LHCGR: variants seen among roughly 807,000 people sequenced by gnomAD.
LHCGR encodes the protein lutropin-choriogonadotropic hormone receptor.
In LHCGR, 55 loss-of-function variants were observed where a neutral mutation model predicts 60.7. That is an observed-to-expected ratio of 0.91 (90% CI 0.73 to 1.13). The LOEUF is 1.13. Among genes scored for constraint, LHCGR ranks in the 50% most tolerant of loss-of-function variants. The pLI is 0.00. For missense variants in LHCGR, 862 were observed against 836.0 expected (o/e 1.03, Z -0.38); for synonymous variants, 337 against 316.5 (o/e 1.06, Z -0.69).
chr2:48,748,391 G>A (rs1428093923), intron 1 of LHCGR, among the ~76,000 whole-genome samples: 1 of 152,152 alleles, frequency 6.6e-6, no homozygotes, highest in Non-Finnish European at 1.5e-5. Flanking sequence ...GGATGCTTTA[G>A]CTGGGCAGAC....
chr2:48,714,410 A>T (rs546783378), intron 6 of LHCGR, among the ~76,000 whole-genome samples: 12 of 152,008 alleles, frequency 7.9e-5, no homozygotes, highest in Non-Finnish European at 1.8e-4. Context: ...CTGGTTTTGC[A>T]GGCCGGTGTG....
intron 8 of LHCGR, among the ~76,000 whole-genome samples, chr2:48,699,115 C>T (rs1667277249): frequency 6.6e-6 from 1 of 152,108 alleles, no homozygotes; most frequent in South Asian, 2.1e-4. Flanking sequence ...TGAGCCACTG[C>T]GCCCGGCCAT....
chr2:48,716,389 C>T (rs1360745489), intron 6 of LHCGR, among the ~76,000 whole-genome samples: 1 of 152,194 alleles, frequency 6.6e-6, no homozygotes, highest in Non-Finnish European at 1.5e-5. Flanking sequence ...TACTGTAATA[C>T]TCCCAGGTGC....
chr2:48,745,289 G>A (rs987803722), intron 1 of LHCGR, among the ~76,000 whole-genome samples: 2 of 152,180 alleles, frequency 1.3e-5, no homozygotes, highest in Non-Finnish European at 2.9e-5. Context: ...TCAGTGTGGC[G>A]ATTCCTCAGG....
At chr2:48,691,365 C>T (rs1178279590) in intron 10 of LHCGR, among the ~76,000 whole-genome samples, 1 of 152,088 alleles carries the variant, frequency 6.6e-6, no homozygotes, top group Non-Finnish European at 1.5e-5. Flanking sequence ...TAGAGAAGGG[C>T]TGCTGCTATG....
At chr2:48,711,506 A>T (rs551961752) in intron 7 of LHCGR, among the ~76,000 whole-genome samples, 1 of 152,270 alleles carries the variant, frequency 6.6e-6, no homozygotes, top group African/African-American at 2.4e-5. Context: ...CAACAGTGAG[A>T]TACAGGGTAT....
Position 48,714,030 on chromosome 2 carries a change from T to C in LHCGR, c.561A>G (p.Glu187=), listed in dbSNP as rs369601921. ...CATTGAATGCATGACTTTGTACTTC[T>C]TCAAATCCATTTCCATATAGTTTGC... ...VTLKLYGNGF[E]EVQSHAFNGT... is the part of the protein sequence containing the mutation. The change falls in exon 7 of 11, where the codon GAA becomes GAG. Residue 187 remains glutamate, a synonymous_variant. Coordinates refer to ENST00000294954, the MANE Select transcript of LHCGR (RefSeq NM_000233.4). 944 of 1,612,990 alleles carry C rather than the reference T, an allele frequency of 5.9e-4. 2 individuals carry two copies. The highest frequency in any genetic ancestry group is 1.1e-3 in the South Asian group (100 of 91,048).
chr2:48,718,629 C>T (rs935678871), intron 6 of LHCGR, among the ~76,000 whole-genome samples: 2 of 151,842 alleles, frequency 1.3e-5, no homozygotes, highest in Non-Finnish European at 2.9e-5. Context: ...TTTCAAATGA[C>T]TATACAAACA....
rs145373281 is a variant in LHCGR at position 48,730,016 on chromosome 2, A to G, written c.234-789T>C. ...ATTCGCAAGCATGTAAGTCATGCCA[A>G]TGTTACCCTAAAATCCCAACATACG... On this transcript the variant is annotated intron_variant, in intron 2 of 10. Transcript: ENST00000294954. Among the ~76,000 whole-genome samples the G allele has an allele frequency of 3.8e-3, 577 of 152,300 alleles. 7 individuals carry two copies. The highest frequency in any genetic ancestry group is 0.013 in the African/African-American group (549 of 41,570).
At position 48,688,910 on chromosome 2, in the gene LHCGR, A is replaced by C; in HGVS notation, c.948-61T>G. The C allele has an allele frequency of 6.7e-7, 1 of 1,493,466 alleles. No homozygotes were observed. The highest frequency in any genetic ancestry group is 9.3e-7 in the Non-Finnish European group (1 of 1,075,296). The allele number at this position is 1,493,466 out of a possible 1,614,324, so 92.5% of individuals were successfully genotyped here. A position where few individuals can be genotyped will look rare whatever the true frequency, so the allele number is the denominator to read the frequency against. ...TTCTCTGAGTATTAAAAAATTCAAG[A>C]ATTATGTTTCTTTAAAGGCAAAGAA... On this transcript the variant is annotated intron_variant, in intron 10 of 10. Coordinates refer to ENST00000294954, the MANE Select transcript of LHCGR (RefSeq NM_000233.4). The surrounding 1 kb of genome is among the most constrained non-coding windows in gnomAD (Gnocchi z 5.2).
chr2:48,701,971 C>A (rs1433485455), intron 8 of LHCGR, among the ~76,000 whole-genome samples: 3 of 152,192 alleles, frequency 2.0e-5, no homozygotes, highest in Non-Finnish European at 4.4e-5. Flanking sequence ...AGGACCAGGG[C>A]TATTTTACTT....
chr2:48,754,084 G>A (rs968317161), intron 1 of LHCGR, among the ~76,000 whole-genome samples: 1 of 152,112 alleles, frequency 6.6e-6, no homozygotes, highest in African/African-American at 2.4e-5. Flanking sequence ...TGGAAGGCCT[G>A]TTGCATGGAT....
At chr2:48,707,501 C>T (rs1333538523) in intron 8 of LHCGR, among the ~76,000 whole-genome samples, 1 of 152,238 alleles carries the variant, frequency 6.6e-6, no homozygotes, top group African/African-American at 2.4e-5. Context: ...CACAGCTGCC[C>T]CTTCCCCTAG....
chr2:48,742,080 C>T (rs1345771455), intron 1 of LHCGR, among the ~76,000 whole-genome samples: 1 of 151,866 alleles, frequency 6.6e-6, no homozygotes, highest in Non-Finnish European at 1.5e-5. Flanking sequence ...CAACAAAGAT[C>T]AAAAGAGACA....
intron 1 of LHCGR, among the ~76,000 whole-genome samples, chr2:48,741,160 G>A (rs1273200873): frequency 6.6e-6 from 1 of 152,074 alleles, no homozygotes; most frequent in Non-Finnish European, 1.5e-5. Flanking sequence ...AAAAAGAAAC[G>A]AGCAAAGCCT....
rs1302292882 is a variant in LHCGR, at chr2:48,740,263, G to A, written c.162-8965C>T. Among the ~76,000 whole-genome samples the A allele has an allele frequency of 3.3e-5, 5 of 152,352 alleles. No individual in the cohort carries two copies. In the East Asian group the frequency reaches 9.7e-4, roughly 29 times the overall value. On this transcript the variant is annotated intron_variant, in intron 1 of 10. Coordinates refer to ENST00000294954, the MANE Select transcript of LHCGR (RefSeq NM_000233.4). The stretch of plus-strand genomic sequence containing the variant: ...ACTGCAAGGTGGCAGCGAGGCTGGG[G>A]GAGGGGCGCCTGCCATTGCCCAGGC...
At chr2:48,728,982 C>T (rs759804182) in intron 3 of LHCGR, among the ~76,000 whole-genome samples, 171 bp downstream of exon 3, 1 of 152,184 alleles carries the variant, frequency 6.6e-6, no homozygotes, top group South Asian at 2.1e-4. Flanking sequence ...ACCATAGCAA[C>T]CTACAGGCCA....
At chr2:48,699,729 A>G (rs1454859564) in intron 8 of LHCGR, among the ~76,000 whole-genome samples, 1 of 152,240 alleles carries the variant, frequency 6.6e-6, no homozygotes, top group East Asian at 1.9e-4. Context: ...CATCTGTTCA[A>G]AGCAAGCGAA....
Position 48,688,861 on chromosome 2 carries a change from A to C in LHCGR, c.948-12T>G. ...GCATGGAAGAATAACTGTAAGAAGA[A>C]TTATTGGCTTGAGGTAAGGGATTTT... is the stretch of plus-strand genomic sequence containing the variant. On this transcript the variant is annotated splice_polypyrimidine_tract_variant and intron_variant, in intron 10 of 10. Coordinates refer to ENST00000294954, the MANE Select transcript of LHCGR (RefSeq NM_000233.4). This position sits in a 1 kb window ranked among gnomAD's most constrained non-coding sequence, Gnocchi z 5.2. The C allele has an allele frequency of 1.9e-6, 3 of 1,613,060 alleles. No homozygotes were observed. Among genetic ancestry groups the C allele is most frequent in the Non-Finnish European group, 2.5e-6 (3 of 1,179,154 alleles).
Sources: allele counts gnomAD v4.1 joint callset (sites outside exome capture counted in the v4.1 genomes callset), GRCh38; gene constraint gnomAD v4.1.1; non-coding constraint Gnocchi (gnomAD v3.1); transcripts MANE v1.5; gene names NCBI Gene and HGNC (gene_info 2026-07-23, HGNC 2026-07-21).